The following PKIG variants were observed in gnomAD, a reference collection of about 807,000 sequenced individuals.
PKIG encodes the protein protein kinase (cAMP-dependent, catalytic) inhibitor gamma.
In PKIG, 1 loss-of-function variant was observed where a neutral mutation model predicts 6.8. The observed-to-expected ratio is 0.15, with a 90% confidence interval of 0.05 to 0.69. The LOEUF (loss-of-function observed/expected upper bound fraction) is 0.69, where lower values mean the gene tolerates loss of function less well. Ranked by LOEUF, PKIG falls within the 30% of genes least tolerant of loss-of-function variation. The probability of loss-of-function intolerance (pLI) is 0.82; values close to 1 mark genes in which losing one functional copy is unlikely to be tolerated. For missense variants in PKIG, 77 were observed against 104.0 expected, an observed-to-expected ratio of 0.74 and a Z score of 1.13; for synonymous variants, 39 against 43.0, an observed-to-expected ratio of 0.91 and a Z score of 0.36.
At chr20:44,611,870 G>A (rs1225107691) in intron 2 of PKIG, among the ~76,000 whole-genome samples, 1 of 151,916 alleles carries the variant, frequency 6.6e-6, no homozygotes, top group Non-Finnish European at 1.5e-5. Flanking sequence ...AAATCATGCA[G>A]TATTTGTGTT....
chr20:44,542,817 T>A (rs1166270694), intron 1 of PKIG, among the ~76,000 whole-genome samples: 1 of 152,218 alleles, frequency 6.6e-6, no homozygotes. Context: ...GGTCTCGAAC[T>A]CCTGACCTCA....
rs200227441 is a variant in PKIG at position 44,590,671 on chromosome 20, A to G, written c.-24+805A>G. 2.0e-5 allele frequency among the ~76,000 whole-genome samples: 3 copies of G among 152,234 alleles called. No homozygotes were observed. The East Asian group carries it at 5.8e-4, about 29-fold the overall frequency. The stretch of plus-strand genomic sequence containing the variant: ...CATCCATGGATGTGGTTGTTAAGGT[A>G]TCAGAATTGAAGGCTATTCTAGATT... On this transcript the variant is annotated intron_variant, in intron 2 of 3. Coordinates refer to ENST00000372886, the MANE Select transcript of PKIG (RefSeq NM_001281445.2).
upstream of PKIG, among the ~76,000 whole-genome samples, chr20:44,578,760 A>G (rs1390320880): frequency 6.6e-6 from 1 of 152,212 alleles, no homozygotes. Context: ...ACGGACTAAC[A>G]CTGCGTAACA....
upstream of PKIG, among the ~76,000 whole-genome samples, chr20:44,578,166 C>T (rs986938809): frequency 1.3e-5 from 2 of 151,312 alleles, no homozygotes; most frequent in African/African-American, 4.9e-5. Flanking sequence ...CGGTGAAACC[C>T]CATCTCTACT....
At chr20:44,613,076 A>T (rs2065233140) in intron 2 of PKIG, among the ~76,000 whole-genome samples, 1 of 152,198 alleles carries the variant, frequency 6.6e-6, no homozygotes. Context: ...GCTCTTCTTT[A>T]TATATGTGGC....
At chr20:44,551,731 A>G (rs1600845420) in intron 1 of PKIG, among the ~76,000 whole-genome samples, 1 of 152,222 alleles carries the variant, frequency 6.6e-6, no homozygotes, top group Non-Finnish European at 1.5e-5. Context: ...TGAAGGAGCT[A>G]TAGGTTAAAT....
intron 2 of PKIG, among the ~76,000 whole-genome samples, chr20:44,592,517 A>G (rs1038426054): frequency 2.0e-5 from 3 of 152,092 alleles, no homozygotes; most frequent in African/African-American, 7.2e-5. Flanking sequence ...TTCCCACCCT[A>G]TGGGCAAACT....
chr20:44,536,041 G>A (rs892848001), intron 1 of PKIG, among the ~76,000 whole-genome samples: 3 of 152,174 alleles, frequency 2.0e-5, no homozygotes, highest in Non-Finnish European at 4.4e-5. Flanking sequence ...TGGATACATC[G>A]TGTTAGTGGA....
In PKIG at chr20:44,618,275, T is replaced by G; in HGVS notation, c.152-10T>G. ...TGTGCCCAAGAAAAACCTCTTTCTC[T>G]CCTCTCCAGAAGGACAGGTGGAGGG... On this transcript the variant is annotated splice_polypyrimidine_tract_variant and intron_variant, in intron 3 of 3. Transcript: ENST00000372886. 1 of 1,598,216 alleles carries G rather than the reference T, an allele frequency of 6.3e-7. No individual in the cohort carries two copies. The highest frequency in any genetic ancestry group is 1.7e-4 in the Middle Eastern group (1 of 6,036).
At chr20:44,591,898 C>A (rs534582463) in intron 2 of PKIG, among the ~76,000 whole-genome samples, 1 of 152,120 alleles carries the variant, frequency 6.6e-6, no homozygotes, top group African/African-American at 2.4e-5. Flanking sequence ...TGCAGCTTAT[C>A]GCCTGGGATG....
At chr20:44,579,487 G>A (rs1311857420), upstream of PKIG, among the ~76,000 whole-genome samples, 1 of 152,236 alleles carries the variant, frequency 6.6e-6, no homozygotes, top group Admixed American at 6.5e-5. Context: ...CCTTGCTCCC[G>A]TGAGCCTTTG....
At chr20:44,579,246 A>G (rs1305856967), upstream of PKIG, among the ~76,000 whole-genome samples, 2 of 152,244 alleles carry the variant, frequency 1.3e-5, no homozygotes. Flanking sequence ...TTAAGAGAGA[A>G]ACAGAGCATA....
At chr20:44,545,962 C>T (rs561816347) in intron 1 of PKIG, among the ~76,000 whole-genome samples, 1 of 151,652 alleles carries the variant, frequency 6.6e-6, no homozygotes, top group African/African-American at 2.4e-5. Flanking sequence ...CAAGAAAAGG[C>T]CTTCACTGGG....
intron 1 of PKIG, among the ~76,000 whole-genome samples, chr20:44,554,459 A>G (rs1233011105): frequency 2.0e-5 from 3 of 152,022 alleles, no homozygotes; most frequent in Non-Finnish European, 4.4e-5. Context: ...TGTAACCAAC[A>G]CCCCATTTTG....
At chr20:44,612,314 G>A (rs925414856) in intron 2 of PKIG, among the ~76,000 whole-genome samples, 1 of 152,092 alleles carries the variant, frequency 6.6e-6, no homozygotes, top group African/African-American at 2.4e-5. Context: ...CTGACCAGGT[G>A]CAGTAAACAT....
At chr20:44,608,852 T>C (rs1456321901) in intron 2 of PKIG, among the ~76,000 whole-genome samples, 1 of 152,022 alleles carries the variant, frequency 6.6e-6, no homozygotes, top group Non-Finnish European at 1.5e-5. Context: ...TTTATCTTCA[T>C]GTAGATCTTG....
chr20:44,562,810 C>T (rs1600854071), intron 1 of PKIG, among the ~76,000 whole-genome samples: 1 of 151,900 alleles, frequency 6.6e-6, no homozygotes. Flanking sequence ...TGTAATCCCA[C>T]CACTTTGGGA....
At chr20:44,597,296 A>T (rs2065083430) in intron 2 of PKIG, among the ~76,000 whole-genome samples, 1 of 150,694 alleles carries the variant, frequency 6.6e-6, no homozygotes, top group Admixed American at 6.6e-5. Flanking sequence ...ACTATGAGAA[A>T]CTATCCTCTA....
intron 3 of PKIG, among the ~76,000 whole-genome samples, chr20:44,616,764 C>G (rs1221097083): frequency 2.0e-5 from 3 of 152,222 alleles, no homozygotes; most frequent in African/African-American, 7.2e-5. Flanking sequence ...TTCCGTTTCA[C>G]AGGCGGGGCT....
Sources: allele counts gnomAD v4.1 joint callset (sites outside exome capture counted in the v4.1 genomes callset), GRCh38; gene constraint gnomAD v4.1.1; transcripts MANE v1.5; gene names NCBI Gene and HGNC (gene_info 2026-07-23, HGNC 2026-07-21).